Variants in CABLES1 observed in about 807,000 individuals in gnomAD.
The protein encoded by CABLES1 is Cdk5 and Abl enzyme substrate 1.
In CABLES1, 36 loss-of-function variants were observed where a neutral mutation model predicts 57.8. The ratio of observed to expected loss-of-function variants is 0.62; its 90% confidence interval spans 0.48 to 0.82. CABLES1 has a LOEUF of 0.82. Ranked by LOEUF, CABLES1 falls within the 40% of genes least tolerant of loss-of-function variation. The pLI, the probability that CABLES1 is intolerant of heterozygous loss-of-function variation, is 0.00. For synonymous variants in CABLES1, 374 were observed against 363.0 expected, an observed-to-expected ratio of 1.03 and a Z score of -0.35; for missense variants, 767 against 836.6, an observed-to-expected ratio of 0.92 and a Z score of 1.03.
At chr18:23,143,682 C>T (rs1452590083) in intron 1 of CABLES1, among the ~76,000 whole-genome samples, 2 of 152,226 alleles carry the variant, frequency 1.3e-5, no homozygotes, top group Non-Finnish European at 2.9e-5. Flanking sequence ...GCTTCCCCCA[C>T]CCTAGCCCAG....
At chr18:23,236,515 T>TTGCTGATCAAACCTTTGTAA (rs1180797793) in intron 6 of CABLES1, among the ~76,000 whole-genome samples, 1 of 152,188 alleles carries the variant, frequency 6.6e-6, no homozygotes, top group Non-Finnish European at 1.5e-5. Flanking sequence ...GCTTCCAGCT[T>TTGCTGATCAAACCTTTGTAA]TGCTGATCAA....
chr18:23,181,217 G>A lies in CABLES1; in HGVS notation c.846-7621G>A, dbSNP rs535675786. 5.3e-4 allele frequency among the ~76,000 whole-genome samples: 80 copies of A among 152,262 alleles called. 1 individual carries two copies. The highest frequency in any genetic ancestry group is 1.9e-3 in the African/African-American group (79 of 41,554). On this transcript the variant is annotated intron_variant, in intron 1 of 9. Coordinates refer to ENST00000256925, the MANE Select transcript of CABLES1 (RefSeq NM_001100619.3). ...AAAGCGGCCCTAGGCCAGCCGCGGT[G>A]TAATCCCAGCTCACGCCTGTAATCC... is the stretch of plus-strand genomic sequence containing the variant.
At chr18:23,144,949 T>A (rs1441539298) in intron 1 of CABLES1, among the ~76,000 whole-genome samples, 1 of 151,542 alleles carries the variant, frequency 6.6e-6, no homozygotes, top group East Asian at 1.9e-4. Flanking sequence ...TTTTTTTTTT[T>A]CTTTGAGACG....
At chr18:23,213,073 G>A (rs2047416359) in intron 3 of CABLES1, among the ~76,000 whole-genome samples, 1 of 152,104 alleles carries the variant, frequency 6.6e-6, no homozygotes, top group Non-Finnish European at 1.5e-5. Flanking sequence ...CCAGGGAACC[G>A]GACTACATCC....
At chr18:23,155,872 A>C in intron 1 of CABLES1, 1 of 1,613,410 alleles carries the variant, frequency 6.2e-7, no homozygotes, top group Non-Finnish European at 8.5e-7. Context: ...ATGAGTTTGG[A>C]GTGGTCTGAA....
At chr18:23,177,197 TGGGGAGGAAGCGAGAC>T (rs2047129624) in intron 1 of CABLES1, among the ~76,000 whole-genome samples, 1 of 151,922 alleles carries the variant, frequency 6.6e-6, no homozygotes, top group Non-Finnish European at 1.5e-5. Context: ...TCACAGTGAC[TGGGGAGGAAGCGAGAC>T]GGCTCCAGCA....
At chr18:23,188,299 C>T (rs2047217162) in intron 1 of CABLES1, among the ~76,000 whole-genome samples, 1 of 152,126 alleles carries the variant, frequency 6.6e-6, no homozygotes, top group African/African-American at 2.4e-5. Flanking sequence ...AGAAACTCTC[C>T]CAAAGGAATA....
At chr18:23,222,995 T>C (rs1568074609) in intron 4 of CABLES1, among the ~76,000 whole-genome samples, 2 of 152,206 alleles carry the variant, frequency 1.3e-5, no homozygotes, top group Admixed American at 1.3e-4. Context: ...GCCTGTGCAG[T>C]TCTCTCCGAT....
At chr18:23,249,886 G>A (rs117595757) in intron 7 of CABLES1, among the ~76,000 whole-genome samples, 1 of 152,228 alleles carries the variant, frequency 6.6e-6, no homozygotes, top group Non-Finnish European at 1.5e-5. Flanking sequence ...AGTGCATGGG[G>A]CACGAGCTGG....
intron 1 of CABLES1, among the ~76,000 whole-genome samples, chr18:23,179,563 A>G (rs1163144154): frequency 6.6e-6 from 1 of 152,190 alleles, no homozygotes; most frequent in African/African-American, 2.4e-5. Context: ...TCAAGACCAA[A>G]TGCTCCTCCA....
intron 4 of CABLES1, among the ~76,000 whole-genome samples, chr18:23,231,938 G>T (rs1273493364): frequency 6.6e-6 from 1 of 152,168 alleles, no homozygotes; most frequent in Non-Finnish European, 1.5e-5. Flanking sequence ...CAGTGAGCCT[G>T]TGAGCAAATT....
At chr18:23,142,504 C>A (rs1338618717) in intron 1 of CABLES1, among the ~76,000 whole-genome samples, 1 of 152,210 alleles carries the variant, frequency 6.6e-6, no homozygotes, top group African/African-American at 2.4e-5. Context: ...ACCCCAGACA[C>A]CACAGAGGGG....
chr18:23,154,654 G>C (rs1448940670), intron 1 of CABLES1, among the ~76,000 whole-genome samples: 1 of 152,116 alleles, frequency 6.6e-6, no homozygotes, highest in East Asian at 1.9e-4. Flanking sequence ...GATTTTGTAG[G>C]GGCTGATGTC....
chr18:23,190,861 G>T (rs72874970), intron 2 of CABLES1, among the ~76,000 whole-genome samples: 1 of 152,040 alleles, frequency 6.6e-6, no homozygotes, highest in African/African-American at 2.4e-5. Context: ...AGATTGCTTA[G>T]TCTAGGAGTT....
intron 4 of CABLES1, among the ~76,000 whole-genome samples, chr18:23,227,528 C>T (rs1403136022): frequency 1.3e-5 from 2 of 152,174 alleles, no homozygotes; most frequent in Non-Finnish European, 2.9e-5. Flanking sequence ...GAAGGGACTT[C>T]TAGACTAAAA....
chr18:23,257,058 C>T (rs558364441), intron 9 of CABLES1, 169 bp from the exon 10 acceptor site: 31 of 693,298 alleles, frequency 4.5e-5, no homozygotes, highest in South Asian at 2.6e-4. Flanking sequence ...CAACCAGGAC[C>T]GAAGGCAGGA....
chr18:23,144,209 C>A (rs1477158172), intron 1 of CABLES1, among the ~76,000 whole-genome samples: 3 of 152,234 alleles, frequency 2.0e-5, no homozygotes, highest in African/African-American at 4.8e-5. Context: ...CTGGAGGGCC[C>A]CTCCTCCGTG....
chr18:23,247,664 G>A (rs1418422873), intron 7 of CABLES1, among the ~76,000 whole-genome samples: 1 of 152,252 alleles, frequency 6.6e-6, no homozygotes, highest in Non-Finnish European at 1.5e-5. Context: ...CGGGCACCAT[G>A]TGTCAGAGCT....
intron 1 of CABLES1, among the ~76,000 whole-genome samples, chr18:23,181,061 A>G (rs1012571812): frequency 1.3e-5 from 2 of 152,156 alleles, no homozygotes; most frequent in African/African-American, 2.4e-5. Context: ...CCCAGAGTCT[A>G]TAAGGTTGAA....
Sources: gnomAD v4.1 joint callset for allele counts (sites outside exome capture counted in the v4.1 genomes callset) on GRCh38, gnomAD v4.1.1 for gene constraint, MANE v1.5 for transcripts, NCBI Gene and HGNC (gene_info 2026-07-23, HGNC 2026-07-21) for gene names.